Variants in ZFR observed in about 807,000 individuals in gnomAD.
The protein encoded by ZFR is zinc finger RNA-binding protein.
A neutral mutation model predicts 130.7 loss-of-function variants in ZFR; 19 were observed. The observed-to-expected ratio is 0.15, with a 90% CI of 0.10 to 0.21. The LOEUF (loss-of-function observed/expected upper bound fraction) is 0.21. Ranked by LOEUF, ZFR falls within the 10% of genes least tolerant of loss-of-function variation. The probability of loss-of-function intolerance (pLI) is 1.00; values close to 1 mark genes in which losing one functional copy is unlikely to be tolerated. For missense variants in ZFR, 872 were observed against 1,321.5 expected (o/e 0.66, Z 5.27); for synonymous variants, 466 against 456.9 (o/e 1.02, Z -0.25).
intron 10 of ZFR, among the ~76,000 whole-genome samples, chr5:32,396,218 A>G (rs571685491): frequency 2.1e-4 from 32 of 152,106 alleles, no homozygotes; most frequent in Non-Finnish European, 4.6e-4. Context: ...ATCTCAAAAA[A>G]AAAAAAAAGG....
intron 17 of ZFR, 120 bp from the exon 18 acceptor site, chr5:32,364,395 C>G: frequency 1.6e-6 from 1 of 626,624 alleles, no homozygotes; most frequent in South Asian, 2.6e-5. Context: ...GAACAAGTCA[C>G]AAAAACAGAA....
intron 2 of ZFR, among the ~76,000 whole-genome samples, chr5:32,420,853 C>T (rs1196625103): frequency 6.6e-6 from 1 of 152,086 alleles, no homozygotes; most frequent in African/African-American, 2.4e-5. Context: ...GGTACAAAAC[C>T]TACAATGGAA....
chr5:32,417,121 T>A (rs199695688), intron 4 of ZFR, among the ~76,000 whole-genome samples: 61 of 114,658 alleles, frequency 5.3e-4, no homozygotes, highest in East Asian at 1.4e-3. Context: ...AGTCTCTCTC[T>A]AAAAAAAAAA....
At chr5:32,391,935 T>C (rs777413907) in intron 11 of ZFR, among the ~76,000 whole-genome samples, 2 of 152,104 alleles carry the variant, frequency 1.3e-5, no homozygotes, top group African/African-American at 4.8e-5. Flanking sequence ...GGTCTTGTCA[T>C]GTTGCCTAGG....
chr5:32,440,833 G>A (rs1055527332), intron 2 of ZFR, among the ~76,000 whole-genome samples: 2 of 152,082 alleles, frequency 1.3e-5, no homozygotes, highest in African/African-American at 2.4e-5. Flanking sequence ...ATTATTACAG[G>A]TCTTTACATC....
At chr5:32,415,485 A>T (rs888378106) in intron 4 of ZFR, among the ~76,000 whole-genome samples, 9 of 136,318 alleles carry the variant, frequency 6.6e-5, no homozygotes, top group East Asian at 4.6e-4. Flanking sequence ...TCTGAAAAGG[A>T]GTGTGTGTGT....
At chr5:32,426,727 C>T (rs896307010) in intron 2 of ZFR, among the ~76,000 whole-genome samples, 1 of 152,078 alleles carries the variant, frequency 6.6e-6, no homozygotes, top group Non-Finnish European at 1.5e-5. Context: ...CACAGTGAAA[C>T]CCTGTCTCTA....
chr5:32,423,974 G>A (rs915877728), intron 2 of ZFR, among the ~76,000 whole-genome samples: 4 of 151,936 alleles, frequency 2.6e-5, no homozygotes, highest in African/African-American at 9.7e-5. Context: ...AGGATGGAAG[G>A]AGTTTACCTA....
intron 2 of ZFR, among the ~76,000 whole-genome samples, chr5:32,421,887 T>G (rs372871237): frequency 5.6e-4 from 86 of 152,250 alleles, no homozygotes; most frequent in African/African-American, 2.0e-3. Flanking sequence ...GAATAACATT[T>G]TCTAGGAACA....
At chr5:32,383,343 T>C (rs1192815384) in intron 15 of ZFR, among the ~76,000 whole-genome samples, 1 of 152,206 alleles carries the variant, frequency 6.6e-6, no homozygotes. Context: ...TAGAAGGCTT[T>C]GGACCGGGCC....
intron 17 of ZFR, among the ~76,000 whole-genome samples, chr5:32,373,123 C>T (rs1037191450): frequency 2.6e-5 from 4 of 152,006 alleles, no homozygotes; most frequent in African/African-American, 7.3e-5. Flanking sequence ...GGCTGGGTGC[C>T]GTGGCTCACG....
chr5:32,437,701 ATTTT>A (rs528669648), intron 2 of ZFR, among the ~76,000 whole-genome samples: 1 of 150,300 alleles, frequency 6.7e-6, no homozygotes, highest in African/African-American at 2.4e-5. Flanking sequence ...AATGTAGCTG[ATTTT>A]TTTTTTAACA....
At chr5:32,380,625 A>C (rs1411651969) in intron 15 of ZFR, among the ~76,000 whole-genome samples, 6 of 151,376 alleles carry the variant, frequency 4.0e-5, no homozygotes, top group African/African-American at 1.5e-4. Flanking sequence ...ATAGGAAAAA[A>C]ATGAAGAACC....
chr5:32,376,986 C>A (rs1176809400), intron 17 of ZFR, among the ~76,000 whole-genome samples: 1 of 118,644 alleles, frequency 8.4e-6, no homozygotes, highest in African/African-American at 3.3e-5. Context: ...AAACCCCTGT[C>A]TCTACTAAAA....
At chr5:32,403,834 AC>A in intron 7 of ZFR, 71 bp downstream of exon 7, 3 of 1,434,108 alleles carry the variant, frequency 2.1e-6, no homozygotes, top group Non-Finnish European at 2.8e-6. Flanking sequence ...AGTTACCTTT[AC>A]CTAACCCCCT....
intron 17 of ZFR, among the ~76,000 whole-genome samples, chr5:32,373,152 T>C (rs1752715243): frequency 6.6e-6 from 1 of 152,170 alleles, no homozygotes; most frequent in South Asian, 2.1e-4. Context: ...CCCAGCACTT[T>C]GGGAGGCTGA....
intron 17 of ZFR, among the ~76,000 whole-genome samples, chr5:32,369,940 C>T (rs1332704731): frequency 6.6e-6 from 1 of 152,040 alleles, no homozygotes; most frequent in Non-Finnish European, 1.5e-5. Context: ...AGCAACTTAT[C>T]CCTATTTCCA....
intron 6 of ZFR, among the ~76,000 whole-genome samples, chr5:32,404,401 GAAT>G (rs1217068316): frequency 6.6e-6 from 1 of 152,158 alleles, no homozygotes; most frequent in Non-Finnish European, 1.5e-5. Flanking sequence ...GTTGGACAGA[GAAT>G]AATAGACAGT....
At chr5:32,387,409 A>T in intron 14 of ZFR, 140 bp downstream of exon 14, 1 of 873,290 alleles carries the variant, frequency 1.1e-6, no homozygotes, top group Non-Finnish European at 1.8e-6. Context: ...CAGTTTGCAC[A>T]ATCAAACAAA....
Sources: allele counts gnomAD v4.1 joint callset (sites outside exome capture counted in the v4.1 genomes callset), GRCh38; gene constraint gnomAD v4.1.1; transcripts MANE v1.5; gene names NCBI Gene and HGNC (gene_info 2026-07-23, HGNC 2026-07-21).